Variants in IL34 observed in about 807,000 individuals in gnomAD.
IL34 encodes the protein interleukin 34, also known as interleukin-34.
Under a neutral mutation model 25.3 loss-of-function variants are expected in IL34, and 17 were observed. The observed-to-expected ratio is 0.67, with a 90% CI of 0.46 to 1.01. IL34 has a LOEUF of 1.01. Among genes scored for constraint, IL34 ranks in the 50% least tolerant of loss-of-function variants. The probability of loss-of-function intolerance (pLI) is 0.00; values close to 1 mark genes in which losing one functional copy is unlikely to be tolerated. For missense variants in IL34, 368 were observed against 312.9 expected (o/e 1.18, Z -1.33); for synonymous variants, 174 against 140.9 (o/e 1.23, Z -1.66).
upstream of IL34, among the ~76,000 whole-genome samples, chr16:70,644,802 GGAATGAAAA>G (rs2051871815): frequency 7.0e-6 from 1 of 142,302 alleles, no homozygotes; most frequent in African/African-American, 2.7e-5. Flanking sequence ...GGAGGGAGGA[GGAATGAAAA>G]GGAGGAAGGG....
intron 1 of IL34, among the ~76,000 whole-genome samples, chr16:70,610,843 G>A (rs932241058): frequency 1.3e-5 from 2 of 152,200 alleles, no homozygotes; most frequent in Admixed American, 6.5e-5. Flanking sequence ...CAAGCCTGCC[G>A]GGAAGCCACG....
At chr16:70,600,580 C>A (rs2050900069) in intron 1 of IL34, among the ~76,000 whole-genome samples, 1 of 152,206 alleles carries the variant, frequency 6.6e-6, no homozygotes, top group Non-Finnish European at 1.5e-5. Context: ...ATCTTAGCAT[C>A]CCCTCTGAAA....
intron 1 of IL34, among the ~76,000 whole-genome samples, chr16:70,588,279 G>C (rs1240083674): frequency 1.3e-5 from 2 of 151,890 alleles, no homozygotes; most frequent in Non-Finnish European, 1.5e-5. Flanking sequence ...TGAAGGTCAG[G>C]AGTTCAAGAC....
At chr16:70,600,471 G>GCGCT (rs1197210618) in intron 1 of IL34, among the ~76,000 whole-genome samples, 3 of 152,200 alleles carry the variant, frequency 2.0e-5, no homozygotes, top group South Asian at 4.1e-4. Context: ...ACAGAACACA[G>GCGCT]CGCTGCACAT....
intron 1 of IL34, among the ~76,000 whole-genome samples, chr16:70,626,691 C>T (rs779832257): frequency 1.8e-4 from 28 of 151,874 alleles, no homozygotes; most frequent in South Asian, 6.3e-4. Context: ...CCACCACACC[C>T]GGCCAAAAAC....
At chr16:70,623,384 A>G (rs891806954) in intron 1 of IL34, among the ~76,000 whole-genome samples, 5 of 152,098 alleles carry the variant, frequency 3.3e-5, no homozygotes, top group Non-Finnish European at 7.4e-5. Context: ...TTGATAAGGC[A>G]CAGATCCTGA....
At chr16:70,592,922 G>T (rs1174800447) in intron 1 of IL34, among the ~76,000 whole-genome samples, 1 of 152,020 alleles carries the variant, frequency 6.6e-6, no homozygotes, top group African/African-American at 2.4e-5. Flanking sequence ...CAAAGTACTG[G>T]GATTACAGGC....
At chr16:70,620,794 G>A (rs1447923204) in intron 1 of IL34, among the ~76,000 whole-genome samples, 4 of 152,138 alleles carry the variant, frequency 2.6e-5, no homozygotes, top group Non-Finnish European at 5.9e-5. Context: ...AGTTTGTATT[G>A]GGATCAAGGG....
chr16:70,615,506 AAAATAAAT>A (rs563697592), intron 1 of IL34, among the ~76,000 whole-genome samples: 24 of 152,140 alleles, frequency 1.6e-4, no homozygotes, highest in East Asian at 7.7e-4. Context: ...ACTCCGTCTC[AAAATAAAT>A]AAATAAATAA....
chr16:70,627,690 G>T (rs547269133), intron 1 of IL34, among the ~76,000 whole-genome samples: 2 of 151,970 alleles, frequency 1.3e-5, no homozygotes, highest in Admixed American at 1.3e-4. Context: ...AGCTGGTCTC[G>T]AGCTCCAGGG....
intron 1 of IL34, among the ~76,000 whole-genome samples, chr16:70,612,015 T>C (rs1461463136): frequency 6.6e-6 from 1 of 152,082 alleles, no homozygotes; most frequent in Non-Finnish European, 1.5e-5. Context: ...GGCAATACAG[T>C]GAGACCCTGT....
At chr16:70,606,242 C>CA (rs1242305138) in intron 1 of IL34, among the ~76,000 whole-genome samples, 37 of 151,414 alleles carry the variant, frequency 2.4e-4, no homozygotes, top group African/African-American at 8.5e-4. Context: ...ACTAAAAATA[C>CA]AAAAAATTAG....
intron 2 of IL34, 117 bp from the exon 3 acceptor site, chr16:70,656,485 C>T (rs1352849203): frequency 1.3e-6 from 1 of 745,266 alleles, no homozygotes. Context: ...TGCCCCTGCA[C>T]TCCATACTGG....
intron 1 of IL34, among the ~76,000 whole-genome samples, chr16:70,590,225 T>C (rs2050737017): frequency 6.6e-6 from 1 of 152,140 alleles, no homozygotes; most frequent in Non-Finnish European, 1.5e-5. Flanking sequence ...TCCTAGCATG[T>C]GTGGGATGGG....
chr16:70,603,491 T>A (rs2050951220), intron 1 of IL34, among the ~76,000 whole-genome samples: 1 of 152,134 alleles, frequency 6.6e-6, no homozygotes, highest in African/African-American at 2.4e-5. Flanking sequence ...TTGGTCAGGC[T>A]GGTCTCGAAC....
At chr16:70,637,978 G>A (rs1365150849) in intron 1 of IL34, among the ~76,000 whole-genome samples, 1 of 151,942 alleles carries the variant, frequency 6.6e-6, no homozygotes, top group African/African-American at 2.4e-5. Context: ...TTTGTTTTTT[G>A]CTTCAAGTGT....
intron 1 of IL34, among the ~76,000 whole-genome samples, chr16:70,580,391 C>A (rs188956487): frequency 6.6e-6 from 1 of 152,346 alleles, no homozygotes; most frequent in African/African-American, 2.4e-5. Flanking sequence ...TGGCATGGGC[C>A]GTGGGGCGCT....
intron 1 of IL34, among the ~76,000 whole-genome samples, chr16:70,609,426 G>A (rs1178806876): frequency 6.6e-6 from 1 of 152,122 alleles, no homozygotes; most frequent in African/African-American, 2.4e-5. Context: ...AAGCTGTTAA[G>A]TCCTGGGACC....
chr16:70,595,217 T>G (rs1251187875), intron 1 of IL34, among the ~76,000 whole-genome samples: 1 of 152,178 alleles, frequency 6.6e-6, no homozygotes, highest in Non-Finnish European at 1.5e-5. Context: ...CACCTCGGCC[T>G]CCCAAAGTGC....
Sources: gnomAD v4.1 joint callset for allele counts (sites outside exome capture counted in the v4.1 genomes callset) on GRCh38, gnomAD v4.1.1 for gene constraint, MANE v1.5 for transcripts, NCBI Gene and HGNC (gene_info 2026-07-23, HGNC 2026-07-21) for gene names.